ZKSCAN7: variants seen among roughly 807,000 people sequenced by gnomAD.
ZKSCAN7 encodes zinc finger with KRAB and SCAN domains 7.
In ZKSCAN7, 38 loss-of-function variants were observed where a neutral mutation model predicts 65.3. The ratio of observed to expected loss-of-function variants is 0.58; its 90% CI spans 0.45 to 0.76. The LOEUF is 0.76. Ranked by LOEUF, ZKSCAN7 falls within the 30% of genes least tolerant of loss-of-function variation. The pLI is 0.00. For missense variants in ZKSCAN7, 815 were observed against 913.3 expected, an observed-to-expected ratio of 0.89 and a Z score of 1.39; for synonymous variants, 321 against 321.0, an observed-to-expected ratio of 1.00 and a Z score of 0.00.
At position 44,571,519 on chromosome 3, in the gene ZKSCAN7, T is replaced by G; in HGVS notation, c.*144T>G. ...TCCTTGGATCACTAAGGTGGGAGAGTAGGAGTAACTTATTCCAGTTCTTAC... is the reference window on the plus strand; with the variant it reads ...TCCTTGGATCACTAAGGTGGGAGAGGAGGAGTAACTTATTCCAGTTCTTAC... On this transcript the variant is annotated 3_prime_UTR_variant, in exon 6 of 6. Transcript: ENST00000426540. 6.4e-7 allele frequency: 1 copy of G among 1,566,534 alleles called. No homozygotes were observed. The highest frequency in any genetic ancestry group is 8.6e-7 in the Non-Finnish European group (1 of 1,160,842).
intron 2 of ZKSCAN7, among the ~76,000 whole-genome samples, chr3:44,563,439 C>A (rs769923082): frequency 1.3e-5 from 2 of 152,134 alleles, no homozygotes; most frequent in Admixed American, 6.6e-5. Context: ...GAGGTTCAGT[C>A]GACTCACAGT....
intron 5 of ZKSCAN7, among the ~76,000 whole-genome samples, chr3:44,581,704 A>G (rs1213083050): frequency 1.3e-5 from 2 of 152,262 alleles, no homozygotes; most frequent in African/African-American, 4.8e-5. Flanking sequence ...AGGACAGTTT[A>G]GGTGGTGGTC....
downstream of ZKSCAN7, among the ~76,000 whole-genome samples, chr3:44,573,838 A>G (rs1222571139): frequency 6.6e-6 from 1 of 152,186 alleles, no homozygotes; most frequent in Non-Finnish European, 1.5e-5. Flanking sequence ...TGCACTATTC[A>G]TAACTAAGGT....
At position 44,570,491 on chromosome 3, in the gene ZKSCAN7, C is replaced by A. The variant is rs1244733001; in HGVS notation, c.1381C>A (p.His461Asn). The A allele has an allele frequency of 6.2e-7, 1 of 1,614,172 alleles. No individual in the cohort carries two copies. Among genetic ancestry groups the A allele is most frequent in the South Asian group, 1.1e-5 (1 of 91,082 alleles). Residue 461 changes from histidine (H) to asparagine (N), a missense_variant, in exon 6 of 6, where the codon CAT becomes AAT. Transcript: ENST00000426540. Reference protein sequence around the residue: ...SSHLIQHQRLHNGEKPYKCNE... With the variant: ...SSHLIQHQRLNNGEKPYKCNE... Reference sequence around the variant, plus strand: ...CCATCTCATTCAACACCAGAGACTCCATAATGGGGAGAAACCCTATAAATG... The same window carrying A: ...CCATCTCATTCAACACCAGAGACTCAATAATGGGGAGAAACCCTATAAATG...
chr3:44,556,397 T>C (rs1699295442), intron 1 of ZKSCAN7, among the ~76,000 whole-genome samples: 1 of 152,238 alleles, frequency 6.6e-6, no homozygotes, highest in African/African-American at 2.4e-5. Flanking sequence ...AGAGTATGTG[T>C]GGCTTCTAAG....
intron 5 of ZKSCAN7, chr3:44,580,015 A>G (rs912799908): frequency 1.3e-6 from 2 of 1,580,478 alleles, no homozygotes; most frequent in Non-Finnish European, 1.7e-6. Flanking sequence ...TTGCTAGGGA[A>G]CGCCCTTTTC....
intron 5 of ZKSCAN7, among the ~76,000 whole-genome samples, chr3:44,581,178 G>A (rs903921646): frequency 3.4e-5 from 5 of 146,988 alleles, no homozygotes; most frequent in South Asian, 2.1e-4. Context: ...TGCACGCGCC[G>A]AGGCTCCTGA....
rs1699260240 is a variant in ZKSCAN7 at position 44,555,392 on chromosome 3, C to T, written c.-208C>T. ...TCTCAGAAGCCGCCCGATGTAGAGC[C>T]GCTTCTTTGTCTCATACCCCTGACC... On this transcript the variant is annotated 5_prime_UTR_variant, in exon 1 of 6. Transcript: ENST00000426540. 6.6e-6 allele frequency: 1 copy of T among 152,266 alleles called. No individual in the cohort carries two copies. Among genetic ancestry groups the T allele is most frequent in the Non-Finnish European group, 1.5e-5 (1 of 68,056 alleles). The allele number at this position is 152,266 out of a possible 1,614,324, so 9.4% of individuals were successfully genotyped here. A position where few individuals can be genotyped will look rare whatever the true frequency, so the allele number is the denominator to read the frequency against.
rs751450046 is a variant in ZKSCAN7, at chr3:44,557,106, A to G, written c.59A>G (p.Lys20Arg). ...GLIPRSTAFQ[K>R]QEGRLTVKQE... ...ATCCCCAGGAGCACTGCTTTCCAGA[A>G]GCAAGAGGGGCGCCTGACTGTGAAG... The change falls in exon 2 of 6, where the codon AAG (lysine) becomes AGG (arginine). Residue 20 changes from lysine (K) to arginine (R), a missense_variant. Lys to Arg is a conservative substitution (Grantham distance 26). Transcript: ENST00000426540. 1.2e-6 allele frequency: 2 copies of G among 1,614,272 alleles called. No individual in the cohort carries two copies. Among genetic ancestry groups the G allele is most frequent in the Non-Finnish European group, 1.7e-6 (2 of 1,180,052 alleles).
rs376427640 is a variant in ZKSCAN7, at chr3:44,568,125, A to G, written c.684+122A>G. The stretch of plus-strand genomic sequence containing the variant: ...ATTCCTGTGGCTCTCCTGCCTCATT[A>G]CTTCCCCTGGAGGTAATGGACTCTA... On this transcript the variant is annotated intron_variant, in intron 4 of 5. Coordinates refer to ENST00000426540, the MANE Select transcript of ZKSCAN7 (RefSeq NM_001288590.2). 495 of 1,544,356 alleles carry G rather than the reference A, an allele frequency of 3.2e-4. 1 individual carries two copies. Among genetic ancestry groups the G allele is most frequent in the South Asian group, 8.7e-4 (74 of 85,422 alleles).
At chr3:44,578,619 G>A (rs553845760) in intron 5 of ZKSCAN7, among the ~76,000 whole-genome samples, 2 of 152,292 alleles carry the variant, frequency 1.3e-5, no homozygotes, top group East Asian at 1.9e-4. Context: ...TACTGGCGCC[G>A]CAGGGCCTCA....
downstream of ZKSCAN7, chr3:44,572,165 A>T: frequency 2.0e-6 from 2 of 985,392 alleles, no homozygotes; most frequent in Non-Finnish European, 2.4e-6. Flanking sequence ...CTCAGCTCTC[A>T]CATTGAATTA....
At chr3:44,559,719 G>A (rs1174588174) in intron 2 of ZKSCAN7, among the ~76,000 whole-genome samples, 5 of 152,182 alleles carry the variant, frequency 3.3e-5, no homozygotes, top group Admixed American at 2.6e-4. Flanking sequence ...GAGCCATCAC[G>A]CTCAGCCTAT....
At chr3:44,574,890 A>G (rs1371633021), downstream of ZKSCAN7, among the ~76,000 whole-genome samples, 2 of 152,224 alleles carry the variant, frequency 1.3e-5, no homozygotes, top group African/African-American at 2.4e-5. Context: ...AGATCTCACC[A>G]TTATACCCCA....
Position 44,565,481 on chromosome 3 carries a change from C to T in ZKSCAN7, c.424-6C>T. ...TTTGAACCCAATTGTATTTCCCTCT[C>T]TCTAGGTTTCAGCCCCAGCACAGAA... On this transcript the variant is annotated splice_polypyrimidine_tract_variant and splice_region_variant and intron_variant, in intron 2 of 5. Transcript: ENST00000426540. 1 of 1,603,268 alleles carries T rather than the reference C, an allele frequency of 6.2e-7. No individual in the cohort carries two copies. Among genetic ancestry groups the T allele is most frequent in the Non-Finnish European group, 8.5e-7 (1 of 1,175,032 alleles).
At chr3:44,563,211 A>G (rs1245079184) in intron 2 of ZKSCAN7, among the ~76,000 whole-genome samples, 1 of 152,158 alleles carries the variant, frequency 6.6e-6, no homozygotes. Context: ...CCATTCAACA[A>G]GTGTCTAGGA....
downstream of ZKSCAN7, among the ~76,000 whole-genome samples, chr3:44,575,779 T>C (rs1257377970): frequency 6.6e-6 from 1 of 152,186 alleles, no homozygotes; most frequent in Non-Finnish European, 1.5e-5. Context: ...GGTTTCTCCA[T>C]GCTGGTCAGG....
chr3:44,582,963 G>C (rs1198484960), intron 5 of ZKSCAN7: 1 of 446,340 alleles, frequency 2.2e-6, no homozygotes, highest in Admixed American at 2.4e-5. Flanking sequence ...TTTCACTCTT[G>C]TCTTCCAGGC....
chr3:44,561,652 G>A lies in ZKSCAN7; in HGVS notation c.424-3835G>A, dbSNP rs529291832. ...GATACAATGGGGATATAGGCATTGG[G>A]TAAATGCTCCCATTCCAAATGGGAG... On this transcript the variant is annotated intron_variant, in intron 2 of 5. Coordinates refer to ENST00000426540, the MANE Select transcript of ZKSCAN7 (RefSeq NM_001288590.2). Among the ~76,000 whole-genome samples, 409 of 152,226 alleles carry A rather than the reference G, an allele frequency of 2.7e-3. 1 individual carries two copies. The highest frequency in any genetic ancestry group is 9.5e-3 in the African/African-American group (394 of 41,486).
Sources: gnomAD v4.1 joint callset for allele counts (sites outside exome capture counted in the v4.1 genomes callset) on GRCh38, gnomAD v4.1.1 for gene constraint, MANE v1.5 for transcripts, NCBI Gene and HGNC (gene_info 2026-07-23, HGNC 2026-07-21) for gene names.